The following SULF1 variants were observed in gnomAD, a reference collection of about 807,000 sequenced individuals.
SULF1 encodes the protein sulfatase 1, also known as extracellular sulfatase Sulf-1.
In SULF1, 46 loss-of-function variants were observed where a neutral mutation model predicts 110.5. The observed-to-expected ratio is 0.42, with a 90% CI of 0.33 to 0.53. The LOEUF (loss-of-function observed/expected upper bound fraction) is 0.53. Among genes scored for constraint, SULF1 ranks in the 20% least tolerant of loss-of-function variants. SULF1 has a pLI of 0.12. For synonymous variants in SULF1, 371 were observed against 387.1 expected (o/e 0.96, Z 0.49); for missense variants, 941 against 1,094.2 (o/e 0.86, Z 1.98).
At chr8:69,535,201 G>C (rs546571819) in intron 3 of SULF1, among the ~76,000 whole-genome samples, 1 of 152,288 alleles carries the variant, frequency 6.6e-6, no homozygotes, top group East Asian at 1.9e-4. Flanking sequence ...TCCATATTTA[G>C]GCATGTTTAG....
At chr8:69,614,433 A>G (rs571509509) in intron 13 of SULF1, among the ~76,000 whole-genome samples, 27 of 152,372 alleles carry the variant, frequency 1.8e-4, no homozygotes, top group African/African-American at 6.5e-4. Flanking sequence ...AAAAATTCAT[A>G]AAGAGTGCTC....
chr8:69,610,142 C>A (rs1288681565), intron 13 of SULF1, among the ~76,000 whole-genome samples: 2 of 152,130 alleles, frequency 1.3e-5, no homozygotes, highest in Non-Finnish European at 1.5e-5. Context: ...ATTTAGTTTG[C>A]CTTTCTACTA....
At chr8:69,471,126 C>A (rs1311491177) in intron 1 of SULF1, among the ~76,000 whole-genome samples, 2 of 152,230 alleles carry the variant, frequency 1.3e-5, no homozygotes, top group East Asian at 3.8e-4. Context: ...TTCTTCCCTT[C>A]ATGTTGACCA....
chr8:69,588,464 A>G lies in SULF1; in HGVS notation c.565-508A>G, dbSNP rs906499959. Among the ~76,000 whole-genome samples, 16 of 152,120 alleles carry G rather than the reference A, an allele frequency of 1.1e-4. No homozygotes were observed. The East Asian group carries it at 1.9e-3, about 18-fold the overall frequency. On this transcript the variant is annotated intron_variant, in intron 7 of 22. Transcript: ENST00000402687. ...GGTGGATTTTTCGTTTGAAGAAAAT[A>G]TCTTTTCTTGTGTTTATGTATTCAT... is the stretch of plus-strand genomic sequence containing the variant.
At chr8:69,534,907 A>G (rs1202214279) in intron 3 of SULF1, among the ~76,000 whole-genome samples, 1 of 152,170 alleles carries the variant, frequency 6.6e-6, no homozygotes, top group Non-Finnish European at 1.5e-5. Context: ...TACTGTTTTG[A>G]TATGAAATAA....
intron 3 of SULF1, among the ~76,000 whole-genome samples, chr8:69,559,701 C>T (rs971052854): frequency 6.6e-6 from 1 of 152,138 alleles, no homozygotes; most frequent in Non-Finnish European, 1.5e-5. Flanking sequence ...CTTTAGCTTG[C>T]AGCTCAGCCA....
chr8:69,503,662 C>G (rs542007059), intron 3 of SULF1, among the ~76,000 whole-genome samples: 61 of 152,272 alleles, frequency 4.0e-4, no homozygotes, highest in Admixed American at 7.8e-4. Flanking sequence ...TCAAAATTAA[C>G]CGTAGAAGAG....
intron 8 of SULF1, among the ~76,000 whole-genome samples, chr8:69,590,940 C>G (rs934482448): frequency 2.6e-5 from 4 of 152,160 alleles, no homozygotes; most frequent in Non-Finnish European, 5.9e-5. Context: ...CCTGAACCCC[C>G]CTGTTCCCAT....
At chr8:69,554,253 T>A (rs2085192562) in intron 3 of SULF1, among the ~76,000 whole-genome samples, 1 of 152,170 alleles carries the variant, frequency 6.6e-6, no homozygotes, top group African/African-American at 2.4e-5. Flanking sequence ...ACGGAAGAAT[T>A]CTAAGGACTG....
chr8:69,620,644 T>C (rs1409107375), intron 13 of SULF1, among the ~76,000 whole-genome samples: 1 of 152,174 alleles, frequency 6.6e-6, no homozygotes, highest in Non-Finnish European at 1.5e-5. Flanking sequence ...AGCAGCCAAG[T>C]TTGTTTTTCC....
chr8:69,613,897 G>T (rs543263227), intron 13 of SULF1, among the ~76,000 whole-genome samples: 1 of 151,748 alleles, frequency 6.6e-6, no homozygotes, highest in African/African-American at 2.4e-5. Context: ...TTATTTTATC[G>T]GATGTGGAAT....
intron 19 of SULF1, among the ~76,000 whole-genome samples, chr8:69,630,706 A>G (rs988675930): frequency 3.3e-5 from 5 of 152,212 alleles, no homozygotes; most frequent in Non-Finnish European, 5.9e-5. Flanking sequence ...CTAGCAAGAC[A>G]CTTTATTTTC....
intron 1 of SULF1, among the ~76,000 whole-genome samples, chr8:69,487,110 C>T (rs1213972484): frequency 2.6e-5 from 4 of 152,176 alleles, no homozygotes; most frequent in East Asian, 1.9e-4. Flanking sequence ...TGAATCTGCA[C>T]GCCATAATTA....
chr8:69,639,583 A>G (rs1286266896), intron 21 of SULF1, among the ~76,000 whole-genome samples: 1 of 152,212 alleles, frequency 6.6e-6, no homozygotes, highest in East Asian at 1.9e-4. Flanking sequence ...AGCTGTCCAT[A>G]CAAGGAAGGA....
At chr8:69,610,935 T>C (rs768879921) in intron 13 of SULF1, among the ~76,000 whole-genome samples, 1 of 152,162 alleles carries the variant, frequency 6.6e-6, no homozygotes, top group Non-Finnish European at 1.5e-5. Context: ...ATGTTACATG[T>C]GAATCCCACT....
chr8:69,500,978 C>A (rs543538959), intron 2 of SULF1, among the ~76,000 whole-genome samples: 4 of 152,152 alleles, frequency 2.6e-5, no homozygotes, highest in African/African-American at 9.6e-5. Flanking sequence ...CTCGCCAAGG[C>A]CAGCTCAGGA....
At chr8:69,522,575 G>A (rs566454523) in intron 3 of SULF1, among the ~76,000 whole-genome samples, 1 of 152,310 alleles carries the variant, frequency 6.6e-6, no homozygotes, top group South Asian at 2.1e-4. Flanking sequence ...GAAGTCATTA[G>A]CATAATGTCA....
intron 3 of SULF1, among the ~76,000 whole-genome samples, chr8:69,528,289 A>C (rs572978100): frequency 6.6e-6 from 1 of 152,308 alleles, no homozygotes; most frequent in South Asian, 2.1e-4. Flanking sequence ...AACCACACCA[A>C]ATCCCCAACT....
intron 1 of SULF1, among the ~76,000 whole-genome samples, chr8:69,494,767 C>A (rs1477026588): frequency 2.0e-5 from 3 of 151,870 alleles, no homozygotes; most frequent in Non-Finnish European, 4.4e-5. Flanking sequence ...GTAGTCTTAG[C>A]TACTCCGGTG....
Sources: allele counts gnomAD v4.1 joint callset (sites outside exome capture counted in the v4.1 genomes callset), GRCh38; gene constraint gnomAD v4.1.1; transcripts MANE v1.5; gene names NCBI Gene and HGNC (gene_info 2026-07-23, HGNC 2026-07-21).